Variants in CAMK4 observed in about 807,000 individuals in gnomAD.
The protein encoded by CAMK4 is calcium/calmodulin-dependent protein kinase type IV.
In CAMK4, 22 loss-of-function variants were observed where a neutral mutation model predicts 44.9. The ratio of observed to expected loss-of-function variants is 0.49; its 90% CI spans 0.35 to 0.70. The LOEUF is 0.70. CAMK4 is among the 30% of genes least tolerant of loss of function. The pLI is 0.01. For missense variants in CAMK4, 498 were observed against 586.8 expected (o/e 0.85, Z 1.56); for synonymous variants, 218 against 215.4 (o/e 1.01, Z -0.11).
At chr5:111,442,479 A>T (rs1387494612) in intron 5 of CAMK4, among the ~76,000 whole-genome samples, 1 of 151,316 alleles carries the variant, frequency 6.6e-6, no homozygotes, top group African/African-American at 2.4e-5. Flanking sequence ...CCTGGGCGAC[A>T]GACTGCGTCT....
At position 111,438,194 on chromosome 5, in the gene CAMK4, A is replaced by G. The variant is rs138984459; in HGVS notation, c.460-8492A>G. ...GGAGGTCGAGAGTGCTGCTATGGACATGATAAAGTTAACGTGCCCACAAGA... is the reference window on the plus strand; with the variant it reads ...GGAGGTCGAGAGTGCTGCTATGGACGTGATAAAGTTAACGTGCCCACAAGA... On this transcript the variant is annotated intron_variant, in intron 5 of 10. Coordinates refer to ENST00000282356, the MANE Select transcript of CAMK4 (RefSeq NM_001744.6). 1.6e-4 allele frequency among the ~76,000 whole-genome samples: 24 copies of G among 152,340 alleles called. No individual in the cohort carries two copies. In the East Asian group the frequency reaches 4.0e-3, roughly 26 times the overall value.
intron 5 of CAMK4, among the ~76,000 whole-genome samples, chr5:111,438,271 A>G (rs1753713781): frequency 6.6e-6 from 1 of 152,230 alleles, no homozygotes; most frequent in African/African-American, 2.4e-5. Context: ...TTGGAGCTTA[A>G]GAAACAACAT....
At chr5:111,361,160 A>T (rs150902940) in intron 2 of CAMK4, among the ~76,000 whole-genome samples, 4 of 152,046 alleles carry the variant, frequency 2.6e-5, no homozygotes, top group African/African-American at 9.7e-5. Flanking sequence ...TATTTTTTCC[A>T]TTGAACCCTA....
At chr5:111,450,043 G>T (rs1580769341) in intron 7 of CAMK4, among the ~76,000 whole-genome samples, 1 of 152,274 alleles carries the variant, frequency 6.6e-6, no homozygotes, top group South Asian at 2.1e-4. Flanking sequence ...CACAGGCCAG[G>T]TGTGGTGGCT....
At chr5:111,403,123 C>G (rs1002438764) in intron 5 of CAMK4, among the ~76,000 whole-genome samples, 1 of 152,188 alleles carries the variant, frequency 6.6e-6, no homozygotes, top group Non-Finnish European at 1.5e-5. Flanking sequence ...TCTGGTCCCA[C>G]AAATTTCTAA....
rs1750852613 is a variant in CAMK4, at chr5:111,367,847, T to TA, written c.241-7002dup. Among the ~76,000 whole-genome samples the TA allele has an allele frequency of 4.6e-5, 7 of 152,232 alleles. No homozygotes were observed. The South Asian group carries it at 1.5e-3, about 32-fold the overall frequency. ...ACTTCTTCAAGGAGTAGTAGCCTGG[T>TA]ACAATGTCTCTGGAGAAGTACCATG... is the stretch of plus-strand genomic sequence containing the variant. On this transcript the variant is annotated intron_variant, in intron 2 of 10. Coordinates refer to ENST00000282356, the MANE Select transcript of CAMK4 (RefSeq NM_001744.6).
chr5:111,330,050 A>AT (rs1749092992), intron 1 of CAMK4, among the ~76,000 whole-genome samples: 1 of 150,546 alleles, frequency 6.6e-6, no homozygotes, highest in African/African-American at 2.4e-5. Flanking sequence ...CAGATAAAAC[A>AT]TATTTTTTTT....
At chr5:111,341,018 C>G (rs527702620) in intron 1 of CAMK4, among the ~76,000 whole-genome samples, 2 of 151,002 alleles carry the variant, frequency 1.3e-5, no homozygotes, top group Admixed American at 6.6e-5. Context: ...TCATACTAGT[C>G]TCTTAAGACC....
intron 4 of CAMK4, among the ~76,000 whole-genome samples, chr5:111,392,375 A>T (rs1268983695): frequency 6.6e-6 from 1 of 152,100 alleles, no homozygotes. Flanking sequence ...AGTCATGATA[A>T]TGGCAAGGGA....
intron 5 of CAMK4, among the ~76,000 whole-genome samples, chr5:111,410,924 G>A (rs1441461329): frequency 1.3e-5 from 2 of 152,152 alleles, no homozygotes; most frequent in Admixed American, 1.3e-4. Flanking sequence ...GTAGAATCAT[G>A]TAAAATGGTG....
At chr5:111,318,602 A>G (rs1212094329) in intron 1 of CAMK4, among the ~76,000 whole-genome samples, 1 of 152,192 alleles carries the variant, frequency 6.6e-6, no homozygotes, top group Non-Finnish European at 1.5e-5. Context: ...TTCAACTTAG[A>G]CAACACTGTC....
At chr5:111,325,411 G>A (rs1748841463) in intron 1 of CAMK4, among the ~76,000 whole-genome samples, 1 of 151,954 alleles carries the variant, frequency 6.6e-6, no homozygotes, top group Non-Finnish European at 1.5e-5. Flanking sequence ...TGGTATTTCT[G>A]GTTCTAGATC....
chr5:111,267,946 G>C (rs1035998340), intron 1 of CAMK4, among the ~76,000 whole-genome samples: 1 of 152,182 alleles, frequency 6.6e-6, no homozygotes, highest in South Asian at 2.1e-4. Flanking sequence ...AAACGGTACT[G>C]ATTAGTTGAA....
chr5:111,438,675 G>A (rs1047896112), intron 5 of CAMK4, among the ~76,000 whole-genome samples: 28 of 152,098 alleles, frequency 1.8e-4, no homozygotes, highest in African/African-American at 6.3e-4. Context: ...AGAAGACTAG[G>A]AGAACAAACA....
At chr5:111,469,675 A>G (rs1257774037) in intron 7 of CAMK4, among the ~76,000 whole-genome samples, 1 of 152,206 alleles carries the variant, frequency 6.6e-6, no homozygotes, top group Non-Finnish European at 1.5e-5. Flanking sequence ...TGATTTCACT[A>G]GAGCCAACAG....
At chr5:111,438,120 G>T (rs1279074079) in intron 5 of CAMK4, among the ~76,000 whole-genome samples, 1 of 152,168 alleles carries the variant, frequency 6.6e-6, no homozygotes, top group Non-Finnish European at 1.5e-5. Flanking sequence ...GAACACTTAA[G>T]TTGATGGAGA....
intron 1 of CAMK4, among the ~76,000 whole-genome samples, chr5:111,343,588 G>A (rs1580622910): frequency 6.6e-6 from 1 of 151,758 alleles, no homozygotes; most frequent in African/African-American, 2.4e-5. Context: ...CCACACTGTG[G>A]AAGTACAGAC....
At chr5:111,261,975 A>C (rs994287691) in intron 1 of CAMK4, among the ~76,000 whole-genome samples, 4 of 152,032 alleles carry the variant, frequency 2.6e-5, no homozygotes, top group African/African-American at 9.7e-5. Flanking sequence ...GATATTAAGG[A>C]GAAGTCCTTA....
At chr5:111,462,274 C>A (rs778957851) in intron 7 of CAMK4, among the ~76,000 whole-genome samples, 2 of 152,220 alleles carry the variant, frequency 1.3e-5, no homozygotes, top group Non-Finnish European at 2.9e-5. Flanking sequence ...TGTGACCAGG[C>A]CAACCCCGTA....
Sources: gnomAD v4.1 joint callset for allele counts (sites outside exome capture counted in the v4.1 genomes callset) on GRCh38, gnomAD v4.1.1 for gene constraint, MANE v1.5 for transcripts, NCBI Gene and HGNC (gene_info 2026-07-23, HGNC 2026-07-21) for gene names.